The following PTPRN2 variants were observed in gnomAD, a reference collection of about 807,000 sequenced individuals.
PTPRN2 encodes protein tyrosine phosphatase receptor type N2.
PTPRN2 carries 74 observed loss-of-function variants against 118.8 expected under a neutral mutation model. That is an observed-to-expected ratio of 0.62 (90% CI 0.52 to 0.76). The LOEUF is 0.76. Ranked by LOEUF, PTPRN2 falls within the 30% of genes least tolerant of loss-of-function variation. PTPRN2 has a pLI of 0.00. For missense variants in PTPRN2, 1,481 were observed against 1,394.4 expected (o/e 1.06, Z -0.99); for synonymous variants, 641 against 608.0 (o/e 1.05, Z -0.80).
At chr7:158,351,231 C>A (rs1289752240) in intron 2 of PTPRN2, among the ~76,000 whole-genome samples, 2 of 152,142 alleles carry the variant, frequency 1.3e-5, no homozygotes, top group African/African-American at 4.8e-5. Flanking sequence ...GGGGTTCTGC[C>A]CCTTCAGAAG....
rs13310664 is a variant in PTPRN2 at position 157,617,464 on chromosome 7, C to T, written c.2344+3898G>A. On this transcript the variant is annotated intron_variant, in intron 15 of 22. Coordinates refer to ENST00000389418, the MANE Select transcript of PTPRN2 (RefSeq NM_002847.5). The surrounding 1 kb of genome is among the most constrained non-coding windows in gnomAD (Gnocchi z 7.5). ...CAGCTGCAGCGCAGAGCACGGGCGA[C>T]GCTGGCTCACGATGCCCCAGTGATG... is the stretch of plus-strand genomic sequence containing the variant. 34 of 144,412 alleles carry T rather than the reference C, an allele frequency of 2.4e-4. No individual in the cohort carries two copies. Among genetic ancestry groups the T allele is most frequent in the Admixed American group, 1.8e-3 (26 of 14,406 alleles). 8.9% of individuals were successfully genotyped at this position (144,412 alleles called of 1,614,324 possible).
At chr7:157,756,650 T>C (rs1348408502) in intron 12 of PTPRN2, among the ~76,000 whole-genome samples, 1 of 152,098 alleles carries the variant, frequency 6.6e-6, no homozygotes, top group East Asian at 1.9e-4. Flanking sequence ...CACTGCGCAA[T>C]GGAAGCAATA....
At chr7:158,089,464 G>A (rs200878577) in intron 10 of PTPRN2, among the ~76,000 whole-genome samples, 960 of 8,012 alleles carry the variant, frequency 0.12, 48 homozygotes, top group East Asian at 0.44. Context: ...CCCTGATGAA[G>A]GAGGGAGTCT....
chr7:158,136,908 A>T (rs1375705480), intron 7 of PTPRN2, among the ~76,000 whole-genome samples: 1 of 152,222 alleles, frequency 6.6e-6, no homozygotes, highest in Non-Finnish European at 1.5e-5. Context: ...TGAGGAGCTA[A>T]ATGGTAGACG....
chr7:157,540,734 G>A lies in PTPRN2; in HGVS notation c.3028C>T (p.Leu1010Phe). The change falls in exon 23 of 23, where the codon CTC (leucine) becomes TTC (phenylalanine). Residue 1010 changes from leucine to phenylalanine, a missense_variant. This residue lies in a region of PTPRN2 where 362 missense variants were observed against 384.1 expected (regional missense o/e 0.94). Transcript: ENST00000389418. ...GCCGCTCACTGGGGAAGGGCCTTGA[G>A]GATGGCGTTCACCTCCTCAGCCACG... ...TAVAEEVNAI[L>F]KALPQ is the part of the protein sequence containing the mutation. 6.4e-7 allele frequency: 1 copy of A among 1,567,382 alleles called. No individual in the cohort carries two copies.
In PTPRN2 at chr7:157,813,540, C is replaced by T. The variant is rs1009487493; in HGVS notation, c.1788+85133G>A. On this transcript the variant is annotated intron_variant, in intron 12 of 22. Coordinates refer to ENST00000389418, the MANE Select transcript of PTPRN2 (RefSeq NM_002847.5). This position sits in a 1 kb window ranked among gnomAD's most constrained non-coding sequence, Gnocchi z 4.7. ...GTGTACAAAATGTGGTGATCCTACT[C>T]GTATAAAAAAGAAAGTTCAAATGCG... Among the ~76,000 whole-genome samples, 3 of 152,108 alleles carry T rather than the reference C, an allele frequency of 2.0e-5. No homozygotes were observed. The highest frequency in any genetic ancestry group is 4.8e-5 in the African/African-American group (2 of 41,402).
chr7:158,330,220 A>G (rs866846337), intron 2 of PTPRN2, among the ~76,000 whole-genome samples: 1 of 105,500 alleles, frequency 9.5e-6, no homozygotes, highest in African/African-American at 3.9e-5. Flanking sequence ...AAGAGCTGAC[A>G]CCTGCAGACG....
intron 12 of PTPRN2, among the ~76,000 whole-genome samples, chr7:157,838,866 C>A (rs112018032): frequency 6.1e-5 from 3 of 49,090 alleles, no homozygotes; most frequent in Non-Finnish European, 1.0e-4. Context: ...GTGGATGGCA[C>A]GGGAGAAAGC....
chr7:157,888,163 T>A lies in PTPRN2; in HGVS notation c.1788+10510A>T, dbSNP rs1796593984. 2.0e-5 allele frequency among the ~76,000 whole-genome samples: 3 copies of A among 151,976 alleles called. No individual in the cohort carries two copies. The South Asian group carries it at 6.2e-4, about 32-fold the overall frequency. ...TTACACCCCAGTCACTGCAGCCTGG[T>A]TCTTTAGGCTGAGCCGGCACTAGGG... On this transcript the variant is annotated intron_variant, in intron 12 of 22. Coordinates refer to ENST00000389418, the MANE Select transcript of PTPRN2 (RefSeq NM_002847.5).
chr7:157,984,480 G>A (rs190250831), intron 11 of PTPRN2, among the ~76,000 whole-genome samples: 35 of 135,198 alleles, frequency 2.6e-4, no homozygotes, highest in African/African-American at 9.0e-4. Context: ...CCCATCCCAC[G>A]CCAGGCTCCA....
At chr7:158,485,976 G>T (rs1028662384) in intron 2 of PTPRN2, among the ~76,000 whole-genome samples, 5 of 152,236 alleles carry the variant, frequency 3.3e-5, no homozygotes, top group African/African-American at 4.8e-5. Flanking sequence ...TTTAATGTCT[G>T]CTTAACATTT....
chr7:157,682,983 G>C, intron 12 of PTPRN2, 46 bp from the exon 13 acceptor site: 1 of 1,482,762 alleles, frequency 6.7e-7, no homozygotes, highest in Non-Finnish European at 9.3e-7. Context: ...GACAAAGCAT[G>C]ACCTCCTAAA....
intron 1 of PTPRN2, among the ~76,000 whole-genome samples, chr7:158,531,802 G>C (rs929305219): frequency 6.6e-6 from 1 of 152,116 alleles, no homozygotes; most frequent in Non-Finnish European, 1.5e-5. Flanking sequence ...TAGAAAGAAC[G>C]TGGTGAACAG....
At chr7:157,756,701 G>A (rs2150997913) in intron 12 of PTPRN2, among the ~76,000 whole-genome samples, 1 of 152,182 alleles carries the variant, frequency 6.6e-6, no homozygotes, top group Non-Finnish European at 1.5e-5. Context: ...GAAGCTGCTA[G>A]CGTGGGGACT....
At chr7:158,098,866 G>A (rs1396059531) in intron 10 of PTPRN2, among the ~76,000 whole-genome samples, 1 of 151,980 alleles carries the variant, frequency 6.6e-6, no homozygotes, top group African/African-American at 2.4e-5. Context: ...GGGAGGGCCG[G>A]AGAAGATGGT....
chr7:158,035,967 C>G (rs933980410), intron 11 of PTPRN2, among the ~76,000 whole-genome samples: 1 of 152,110 alleles, frequency 6.6e-6, no homozygotes, highest in Admixed American at 6.5e-5. Context: ...CCCATCTGAC[C>G]TGGAGATAAA....
chr7:158,334,294 A>G (rs1437469999), intron 2 of PTPRN2, among the ~76,000 whole-genome samples: 1 of 25,698 alleles, frequency 3.9e-5, no homozygotes, highest in Admixed American at 5.9e-4. Context: ...CTCTCACCAT[A>G]AGAGCTGACA....
At chr7:158,347,541 C>T (rs1258921415) in intron 2 of PTPRN2, among the ~76,000 whole-genome samples, 1 of 152,170 alleles carries the variant, frequency 6.6e-6, no homozygotes, top group African/African-American at 2.4e-5. Flanking sequence ...TGGTGTGATG[C>T]ATCCAGCTTT....
chr7:157,846,118 C>T (rs574670790), intron 12 of PTPRN2, among the ~76,000 whole-genome samples: 6 of 152,176 alleles, frequency 3.9e-5, no homozygotes, highest in Non-Finnish European at 5.9e-5. Flanking sequence ...GCGAGATTCA[C>T]GGCACCTCTG....
Sources: allele counts gnomAD v4.1 joint callset (sites outside exome capture counted in the v4.1 genomes callset), GRCh38; gene constraint gnomAD v4.1.1; regional missense constraint gnomAD v4.1.1; non-coding constraint Gnocchi (gnomAD v3.1); transcripts MANE v1.5; gene names NCBI Gene and HGNC (gene_info 2026-07-23, HGNC 2026-07-21).